Variants in PDE4B observed in about 807,000 individuals in gnomAD.
PDE4B encodes phosphodiesterase 4B, also known as 3',5'-cyclic-AMP phosphodiesterase 4B.
In PDE4B, 20 loss-of-function variants were observed where a neutral mutation model predicts 82.2. That is an observed-to-expected ratio of 0.24 (90% CI 0.17 to 0.35). The LOEUF is 0.35. PDE4B is among the 10% of genes least tolerant of loss of function. PDE4B has a pLI of 1.00. For synonymous variants in PDE4B, 320 were observed against 318.9 expected, an observed-to-expected ratio of 1.00 and a Z score of -0.04; for missense variants, 655 against 907.2, an observed-to-expected ratio of 0.72 and a Z score of 3.57.
At chr1:65,977,122 C>T (rs1194448781) in intron 3 of PDE4B, among the ~76,000 whole-genome samples, 1 of 152,092 alleles carries the variant, frequency 6.6e-6, no homozygotes, top group Non-Finnish European at 1.5e-5. Context: ...TTCTTCTGGT[C>T]TCATTATATG....
chr1:66,318,458 C>T (rs924676188), intron 7 of PDE4B, among the ~76,000 whole-genome samples: 1 of 152,196 alleles, frequency 6.6e-6, no homozygotes, highest in Non-Finnish European at 1.5e-5. Flanking sequence ...GGCAAACTGC[C>T]TCAGTCTGAA....
chr1:65,877,431 C>A (rs774623233), intron 1 of PDE4B, among the ~76,000 whole-genome samples: 1 of 151,778 alleles, frequency 6.6e-6, no homozygotes, highest in Non-Finnish European at 1.5e-5. Context: ...CTGGCTAACA[C>A]GGTGAAACTC....
intron 1 of PDE4B, among the ~76,000 whole-genome samples, chr1:65,873,468 A>G (rs1020152318): frequency 6.6e-6 from 1 of 152,224 alleles, no homozygotes; most frequent in Non-Finnish European, 1.5e-5. Context: ...TGTGATATGT[A>G]GATATAAAGT....
intron 12 of PDE4B, among the ~76,000 whole-genome samples, chr1:66,364,472 T>A (rs1663073030): frequency 6.6e-6 from 1 of 152,148 alleles, no homozygotes; most frequent in African/African-American, 2.4e-5. Flanking sequence ...ACTTGACAAA[T>A]GAAAATGATG....
chr1:65,836,219 G>A (rs1646138007), intron 1 of PDE4B, among the ~76,000 whole-genome samples: 1 of 152,176 alleles, frequency 6.6e-6, no homozygotes, highest in African/African-American at 2.4e-5. Context: ...TGGGATTACA[G>A]GCGCAAGCCA....
At chr1:65,855,004 AT>A (rs1231533793) in intron 1 of PDE4B, among the ~76,000 whole-genome samples, 1 of 151,702 alleles carries the variant, frequency 6.6e-6, no homozygotes, top group Non-Finnish European at 1.5e-5. Context: ...ATCCAAAGAA[AT>A]TGTTTTTCAA....
intron 3 of PDE4B, among the ~76,000 whole-genome samples, chr1:65,947,214 T>C (rs1341831143): frequency 6.6e-6 from 1 of 152,086 alleles, no homozygotes; most frequent in African/African-American, 2.4e-5. Context: ...ACTGTGGATA[T>C]ACACTATTAT....
intron 7 of PDE4B, among the ~76,000 whole-genome samples, chr1:66,299,273 A>T (rs901040606): frequency 6.6e-6 from 1 of 152,056 alleles, no homozygotes; most frequent in Non-Finnish European, 1.5e-5. Flanking sequence ...TCTACTCTCT[A>T]TTATGAGCTC....
At chr1:66,257,622 G>T in intron 4 of PDE4B, 25 bp from the exon 5 acceptor site, 1 of 1,605,930 alleles carries the variant, frequency 6.2e-7, no homozygotes, top group East Asian at 2.2e-5. Context: ...AATTTCTAAA[G>T]GTTCTTTTTT....
Position 66,362,423 on chromosome 1 carries a change from T to C in PDE4B, c.1020+630T>C, listed in dbSNP as rs1028590207. 3.9e-5 allele frequency among the ~76,000 whole-genome samples: 6 copies of C among 152,060 alleles called. No homozygotes were observed. The East Asian group carries it at 5.8e-4, about 15-fold the overall frequency. ...AGGTCCTCTCAGCCTTGTGAGAATATGAAATGAGCTTACTGTGAGCAGTAA... is the reference window on the plus strand; with the variant it reads ...AGGTCCTCTCAGCCTTGTGAGAATACGAAATGAGCTTACTGTGAGCAGTAA... On this transcript the variant is annotated intron_variant, in intron 10 of 16. Transcript: ENST00000341517.
At chr1:66,218,889 G>C (rs1305770218) in intron 3 of PDE4B, among the ~76,000 whole-genome samples, 1 of 152,090 alleles carries the variant, frequency 6.6e-6, no homozygotes. Context: ...TAAAAAAGCT[G>C]TTTTATTGGG....
At chr1:66,163,078 A>C (rs1646649996) in intron 3 of PDE4B, among the ~76,000 whole-genome samples, 1 of 152,198 alleles carries the variant, frequency 6.6e-6, no homozygotes, top group South Asian at 2.1e-4. Context: ...GTAAGAGATT[A>C]GCCTTAGACT....
intron 3 of PDE4B, among the ~76,000 whole-genome samples, chr1:66,118,726 C>A (rs549898736): frequency 2.6e-5 from 4 of 151,924 alleles, no homozygotes; most frequent in East Asian, 1.9e-4. Context: ...TAAAAAAAAA[C>A]CAAACCCTAT....
At chr1:65,977,446 T>C (rs1650466812) in intron 3 of PDE4B, among the ~76,000 whole-genome samples, 1 of 152,172 alleles carries the variant, frequency 6.6e-6, no homozygotes, top group Non-Finnish European at 1.5e-5. Flanking sequence ...AACTCAATTG[T>C]TTTCAATGAA....
chr1:66,073,932 C>T (rs186830870), intron 3 of PDE4B, among the ~76,000 whole-genome samples: 217 of 152,116 alleles, frequency 1.4e-3, no homozygotes, highest in Admixed American at 2.6e-3. Flanking sequence ...AAGGAGTAGA[C>T]CCAGGGTATA....
At chr1:66,346,460 A>C (rs1007580806) in intron 8 of PDE4B, among the ~76,000 whole-genome samples, 1 of 152,206 alleles carries the variant, frequency 6.6e-6, no homozygotes, top group African/African-American at 2.4e-5. Flanking sequence ...TTACGGTTTA[A>C]CTTAAGCATA....
intron 8 of PDE4B, among the ~76,000 whole-genome samples, chr1:66,337,873 C>G (rs916059537): frequency 6.6e-6 from 1 of 152,008 alleles, no homozygotes; most frequent in East Asian, 1.9e-4. Flanking sequence ...ATGGAGGGAG[C>G]AAAATAAAGT....
At chr1:66,203,137 G>T (rs945577213) in intron 3 of PDE4B, among the ~76,000 whole-genome samples, 24 of 151,702 alleles carry the variant, frequency 1.6e-4, no homozygotes, top group African/African-American at 5.8e-4. Context: ...GAAATTCTGG[G>T]TTGAAAATTC....
intron 3 of PDE4B, among the ~76,000 whole-genome samples, chr1:65,958,925 A>G (rs1021459002): frequency 6.6e-6 from 1 of 152,242 alleles, no homozygotes; most frequent in Middle Eastern, 3.2e-3. Context: ...TCGTAACTGC[A>G]TATCAGAAAA....
Sources: gnomAD v4.1 joint callset for allele counts (sites outside exome capture counted in the v4.1 genomes callset) on GRCh38, gnomAD v4.1.1 for gene constraint, MANE v1.5 for transcripts, NCBI Gene and HGNC (gene_info 2026-07-23, HGNC 2026-07-21) for gene names.